Variants in THUMPD3 observed in about 807,000 individuals in gnomAD.
THUMPD3 encodes THUMP domain 3 tRNA guanosine methyltransferase.
In THUMPD3, 44 loss-of-function variants were observed where a neutral mutation model predicts 54.5. That is an observed-to-expected ratio of 0.81 (90% CI 0.63 to 1.04). The LOEUF (loss-of-function observed/expected upper bound fraction) is 1.04, where lower values mean the gene tolerates loss of function less well. Among genes scored for constraint, THUMPD3 ranks in the 50% least tolerant of loss-of-function variants. The pLI is 0.00. For synonymous variants in THUMPD3, 196 were observed against 201.4 expected (o/e 0.97, Z 0.23); for missense variants, 604 against 601.3 (o/e 1.00, Z -0.05).
chr3:9,368,563 A>G (rs900307828), intron 3 of THUMPD3, among the ~76,000 whole-genome samples: 2 of 151,928 alleles, frequency 1.3e-5, no homozygotes, highest in African/African-American at 4.8e-5. Flanking sequence ...GGGTTTCAGC[A>G]TCTTGGCCAG....
intron 5 of THUMPD3, among the ~76,000 whole-genome samples, chr3:9,377,227 CAT>C (rs555916957): frequency 1.1e-3 from 174 of 151,914 alleles, no homozygotes; most frequent in East Asian, 3.5e-3. Context: ...TGTGTGTACA[CAT>C]GTGTACTTTA....
At chr3:9,364,276 A>G (rs1228025384) in intron 1 of THUMPD3, among the ~76,000 whole-genome samples, 1 of 152,052 alleles carries the variant, frequency 6.6e-6, no homozygotes, top group Non-Finnish European at 1.5e-5. Flanking sequence ...GGTGGAGGCA[A>G]GAATTCAAAC....
At position 9,365,064 on chromosome 3, in the gene THUMPD3, C is replaced by A; in HGVS notation, c.-5C>A. 6.2e-7 allele frequency: 1 copy of A among 1,612,812 alleles called. No homozygotes were observed. The highest frequency in any genetic ancestry group is 1.7e-4 in the Middle Eastern group (1 of 6,052). ...AGTGTTAGGGATCTTGGAAGCACAG[C>A]CAACATGTGTGACATTGAAGAAGCC... On this transcript the variant is annotated 5_prime_UTR_variant, in exon 2 of 10. Transcript: ENST00000452837.
At position 9,371,264 on chromosome 3, in the gene THUMPD3, G is replaced by A. The variant is rs748770441; in HGVS notation, c.535G>A (p.Ala179Thr). Residue 179 changes from alanine (A) to threonine (T), a missense_variant, in exon 4 of 10, where the codon GCT (alanine) becomes ACT (threonine). Ala to Thr is a moderately conservative substitution (Grantham distance 58). Transcript: ENST00000452837. ...RNVKKEFTSH[A>T]LDSHILDYYE... Reference sequence around the variant, plus strand: ...TGTTAAAAAAGAGTTCACTAGCCATGCTTTAGATTCTCATATCTTAGATTA... The same window carrying A: ...TGTTAAAAAAGAGTTCACTAGCCATACTTTAGATTCTCATATCTTAGATTA... 28 of 1,613,464 alleles carry A rather than the reference G, an allele frequency of 1.7e-5. No individual in the cohort carries two copies. Among genetic ancestry groups the A allele is most frequent in the East Asian group, 1.1e-4 (5 of 44,880 alleles).
At chr3:9,368,588 C>G (rs142798351) in intron 3 of THUMPD3, among the ~76,000 whole-genome samples, 1,582 of 152,154 alleles carry the variant, frequency 0.01, 16 homozygotes, top group Non-Finnish European at 0.017. Flanking sequence ...GTCTTGAACT[C>G]CTGACCTCGT....
chr3:9,364,853 T>C (rs141917749), intron 1 of THUMPD3, among the ~76,000 whole-genome samples, 163 bp from the exon 2 acceptor site: 1 of 152,404 alleles, frequency 6.6e-6, no homozygotes, highest in African/African-American at 2.4e-5. Flanking sequence ...CATCATGTTT[T>C]ACAGCCTGCA....
At chr3:9,365,718 A>G (rs577130778) in intron 2 of THUMPD3, among the ~76,000 whole-genome samples, 3 of 151,960 alleles carry the variant, frequency 2.0e-5, no homozygotes, top group Admixed American at 2.0e-4. Flanking sequence ...CAGCCTCCCC[A>G]GTAGCTGGGA....
rs1360896734 is a variant in THUMPD3 at position 9,377,837 on chromosome 3, TTATGA to T, written c.961_965del (p.Asp321AsnfsTer18). 9.9e-6 allele frequency: 16 copies of T among 1,613,580 alleles called. No individual in the cohort carries two copies. The highest frequency in any genetic ancestry group is 1.3e-5 in the Non-Finnish European group (15 of 1,179,714). ...TCTCTAGGCTCTGTGATCCTCTACC[TTATGA>T]TATAATAGTCGATCCAATGTGTGGA... On this transcript the variant is annotated frameshift_variant, in exon 6 of 10. Transcript: ENST00000452837. LOFTEE classifies it high-confidence loss of function.
intron 2 of THUMPD3, among the ~76,000 whole-genome samples, chr3:9,366,572 C>T (rs2031580916): frequency 6.6e-6 from 1 of 152,216 alleles, no homozygotes; most frequent in Admixed American, 6.5e-5. Context: ...TGCTTTTAAC[C>T]ATTGCAGCAT....
At chr3:9,369,330 A>AAAAG (rs1559301176) in intron 3 of THUMPD3, among the ~76,000 whole-genome samples, 7 of 151,180 alleles carry the variant, frequency 4.6e-5, no homozygotes, top group African/African-American at 1.5e-4. Flanking sequence ...AAAAAAAAAA[A>AAAAG]AAAGAAAGAA....
intron 7 of THUMPD3, 32 bp from the exon 8 acceptor site, chr3:9,383,167 T>A: frequency 6.8e-7 from 1 of 1,468,610 alleles, no homozygotes; most frequent in Non-Finnish European, 9.5e-7. Context: ...TGCTTCACAG[T>A]ATGTTGAAGC....
Position 9,384,763 on chromosome 3 carries a change from T to TAACA in THUMPD3, c.*78_*81dup. ...AAGAACTTGGAGAGGAAAAAAGTATTAACAAAACTGCAGTCTGCACTCTTT... is the reference window on the plus strand; with the variant it reads ...AAGAACTTGGAGAGGAAAAAAGTATTAACAAACAAAACTGCAGTCTGCACTCTTT... On this transcript the variant is annotated 3_prime_UTR_variant, in exon 10 of 10. Coordinates refer to ENST00000452837, the MANE Select transcript of THUMPD3 (RefSeq NM_001114092.2). 6.5e-7 allele frequency: 1 copy of TAACA among 1,548,958 alleles called. No individual in the cohort carries two copies. Among genetic ancestry groups the TAACA allele is most frequent in the Non-Finnish European group, 8.8e-7 (1 of 1,130,682 alleles).
chr3:9,378,964 C>T (rs778193556), intron 6 of THUMPD3, among the ~76,000 whole-genome samples: 1 of 151,122 alleles, frequency 6.6e-6, no homozygotes, highest in African/African-American at 2.4e-5. Flanking sequence ...AAATAAAGGC[C>T]GAAAAAAATT....
chr3:9,386,419 G>T lies in THUMPD3; in HGVS notation c.*1731G>T, dbSNP rs184174800. On this transcript the variant is annotated 3_prime_UTR_variant, in exon 10 of 10. Coordinates refer to ENST00000452837, the MANE Select transcript of THUMPD3 (RefSeq NM_001114092.2). ...CACCCCCCACTAAGGGCAGGGTATT[G>T]TATCTGCCAGACTGGGTATTTGTTG... The T allele has an allele frequency of 7.3e-6, 1 of 136,310 alleles. No individual in the cohort carries two copies. Among genetic ancestry groups the T allele is most frequent in the Non-Finnish European group, 1.5e-5 (1 of 65,906 alleles). 8.4% of individuals were successfully genotyped at this position (136,310 alleles called of 1,614,324 possible). A position where few individuals can be genotyped will look rare whatever the true frequency, so the allele number is the denominator to read the frequency against.
chr3:9,371,167 C>T lies in THUMPD3; in HGVS notation c.438C>T (p.Arg146=), dbSNP rs143487090. Residue 146 remains arginine, a synonymous_variant, in exon 4 of 10, where the codon CGC becomes CGT. Transcript: ENST00000452837. ...NASFKKKKAK[R]KKINQNSSKE... ...GTTTTAAAAAGAAAAAAGCAAAGCGCAAAAAGATAAATCAGAATTCAAGTA... is the reference window on the plus strand; with the variant it reads ...GTTTTAAAAAGAAAAAAGCAAAGCGTAAAAAGATAAATCAGAATTCAAGTA... 34 of 1,611,536 alleles carry T rather than the reference C, an allele frequency of 2.1e-5. No individual in the cohort carries two copies. The African/African-American group carries it at 3.8e-4, about 18-fold the overall frequency.
rs962527626 is a variant in THUMPD3, at chr3:9,383,239, G to C, written c.1165G>C (p.Asp389His). The change falls in exon 8 of 10, where the codon GAT (aspartate) becomes CAT (histidine). Residue 389 changes from aspartate to histidine, a missense_variant. Transcript: ENST00000452837. ...CTTGCCCATAGATGCTGTTCAGTGG[G>C]ATATCTGCAATCTGCCATTGAGAAC... Reference protein sequence around the residue: ...WGLPIDAVQWDICNLPLRTGS... With the variant: ...WGLPIDAVQWHICNLPLRTGS... The C allele has an allele frequency of 6.2e-7, 1 of 1,614,076 alleles. No homozygotes were observed. Among genetic ancestry groups the C allele is most frequent in the Non-Finnish European group, 8.5e-7 (1 of 1,179,952 alleles).
Position 9,377,895 on chromosome 3 carries a change from A to G in THUMPD3, c.1008+7A>G. Reference sequence around the variant, plus strand: ...TGGGGCAATACCAATAGAGGTAATCATATTTCTTTAGCTTTTAGATAAGAG... The same window carrying G: ...TGGGGCAATACCAATAGAGGTAATCGTATTTCTTTAGCTTTTAGATAAGAG... On this transcript the variant is annotated splice_region_variant and intron_variant, in intron 6 of 9. Transcript: ENST00000452837. The G allele has an allele frequency of 6.2e-7, 1 of 1,605,426 alleles. No individual in the cohort carries two copies. Among genetic ancestry groups the G allele is most frequent in the Non-Finnish European group, 8.5e-7 (1 of 1,172,322 alleles).
chr3:9,384,367 T>C (rs2033172774), intron 9 of THUMPD3, 32 bp downstream of exon 9: 1 of 1,599,392 alleles, frequency 6.3e-7, no homozygotes, highest in Admixed American at 1.7e-5. Flanking sequence ...AATCGCAGCC[T>C]GTGGCAACTT....
chr3:9,379,527 G>A (rs1003268260), intron 6 of THUMPD3, among the ~76,000 whole-genome samples: 5 of 152,174 alleles, frequency 3.3e-5, no homozygotes, highest in Admixed American at 3.3e-4. Flanking sequence ...CTGTTAATCT[G>A]CATAGAACAT....
Sources: gnomAD v4.1 joint callset for allele counts (sites outside exome capture counted in the v4.1 genomes callset) on GRCh38, gnomAD v4.1.1 for gene constraint, MANE v1.5 for transcripts, NCBI Gene and HGNC (gene_info 2026-07-23, HGNC 2026-07-21) for gene names.